The following THSD7A variants were observed in gnomAD, a reference collection of about 807,000 sequenced individuals.
THSD7A encodes the protein thrombospondin type 1 domain containing 7A, also known as thrombospondin type-1 domain-containing protein 7A.
In THSD7A, 96 loss-of-function variants were observed where a neutral mutation model predicts 231.3. That is an observed-to-expected ratio of 0.41 (90% confidence interval 0.35 to 0.49). The LOEUF is 0.49. Among genes scored for constraint, THSD7A ranks in the 20% least tolerant of loss-of-function variants. The probability of loss-of-function intolerance (pLI) is 0.05; values close to 1 mark genes in which losing one functional copy is unlikely to be tolerated. For missense variants in THSD7A, 2,290 were observed against 2,070.2 expected (o/e 1.11, Z -2.06); for synonymous variants, 940 against 743.3 (o/e 1.26, Z -4.30).
intron 6 of THSD7A, among the ~76,000 whole-genome samples, chr7:11,517,044 T>C (rs558743961): frequency 2.0e-5 from 3 of 152,298 alleles, no homozygotes; most frequent in Non-Finnish European, 4.4e-5. Context: ...GGTCCAATTG[T>C]TTAAGCAAGA....
chr7:11,818,540 G>C (rs1784778189), intron 1 of THSD7A, among the ~76,000 whole-genome samples: 1 of 152,134 alleles, frequency 6.6e-6, no homozygotes, highest in Admixed American at 6.5e-5. Flanking sequence ...CAACTTACTA[G>C]GGCTTCAGCA....
At chr7:11,610,075 T>C (rs1199677216) in intron 2 of THSD7A, among the ~76,000 whole-genome samples, 1 of 152,128 alleles carries the variant, frequency 6.6e-6, no homozygotes, top group Non-Finnish European at 1.5e-5. Flanking sequence ...GATATGAAGA[T>C]GATAGCAAGA....
chr7:11,782,346 C>T (rs552397445), intron 1 of THSD7A, among the ~76,000 whole-genome samples: 124 of 152,110 alleles, frequency 8.2e-4, no homozygotes, highest in East Asian at 2.3e-3. Flanking sequence ...TAATATTTTT[C>T]GAGATGGGCC....
chr7:11,607,579 T>C (rs1477558504), intron 2 of THSD7A, among the ~76,000 whole-genome samples: 1 of 152,096 alleles, frequency 6.6e-6, no homozygotes, highest in Non-Finnish European at 1.5e-5. Flanking sequence ...TATGTTCAAG[T>C]CACACTTCTT....
intron 1 of THSD7A, among the ~76,000 whole-genome samples, chr7:11,726,953 C>T (rs1781567859): frequency 1.3e-5 from 2 of 151,926 alleles, no homozygotes; most frequent in African/African-American, 4.8e-5. Flanking sequence ...GCACACAGCT[C>T]TAGGCAAGGC....
intron 4 of THSD7A, among the ~76,000 whole-genome samples, chr7:11,544,171 G>A (rs56): frequency 0.63 from 95,830 of 151,744 alleles, 30,901 homozygotes; most frequent in Admixed American, 0.78. Flanking sequence ...GTGAAACCCC[G>A]TCTCTACTAA....
At chr7:11,588,165 C>T (rs909639331) in intron 4 of THSD7A, among the ~76,000 whole-genome samples, 24 of 151,998 alleles carry the variant, frequency 1.6e-4, no homozygotes, top group Admixed American at 1.2e-3. Context: ...GACTGAACAT[C>T]GAGTGTGAAT....
intron 11 of THSD7A, among the ~76,000 whole-genome samples, chr7:11,454,276 T>C (rs2128296435): frequency 6.6e-6 from 1 of 151,968 alleles, no homozygotes; most frequent in Non-Finnish European, 1.5e-5. Context: ...AATTTCTCTT[T>C]TTCCTCTCTC....
At chr7:11,398,870 T>C (rs1208596677) in intron 23 of THSD7A, among the ~76,000 whole-genome samples, 2 of 152,216 alleles carry the variant, frequency 1.3e-5, no homozygotes, top group Non-Finnish European at 2.9e-5. Context: ...ATTGACATTG[T>C]GGACTTAAAG....
chr7:11,718,428 A>AAAATAT (rs1358568536), intron 1 of THSD7A, among the ~76,000 whole-genome samples: 1 of 151,612 alleles, frequency 6.6e-6, no homozygotes, highest in Non-Finnish European at 1.5e-5. Context: ...AGGCCACATT[A>AAAATAT]TTGCCCTATT....
chr7:11,522,569 G>T (rs1236557925), intron 6 of THSD7A, among the ~76,000 whole-genome samples: 6 of 152,034 alleles, frequency 3.9e-5, no homozygotes, highest in Non-Finnish European at 8.8e-5. Context: ...AAAATCTGTG[G>T]TTGACAGCTA....
chr7:11,746,381 T>C (rs1782304599), intron 1 of THSD7A, among the ~76,000 whole-genome samples: 1 of 151,908 alleles, frequency 6.6e-6, no homozygotes, highest in Non-Finnish European at 1.5e-5. Context: ...CACCAGTTTT[T>C]CCACTGATGT....
chr7:11,593,033 A>G (rs933368689), intron 3 of THSD7A, among the ~76,000 whole-genome samples: 8 of 152,238 alleles, frequency 5.3e-5, no homozygotes, highest in Non-Finnish European at 4.4e-5. Flanking sequence ...AACTCCTATT[A>G]TAGAAAATAC....
At chr7:11,497,436 C>T (rs1406704373) in intron 6 of THSD7A, among the ~76,000 whole-genome samples, 1 of 152,084 alleles carries the variant, frequency 6.6e-6, no homozygotes, top group Non-Finnish European at 1.5e-5. Context: ...TAAAAATGTA[C>T]CTCATTGCAT....
At chr7:11,651,462 C>A (rs981745974) in intron 1 of THSD7A, among the ~76,000 whole-genome samples, 1 of 148,618 alleles carries the variant, frequency 6.7e-6, no homozygotes, top group Non-Finnish European at 1.5e-5. Context: ...CCACTGTATC[C>A]ATCTATTATC....
intron 2 of THSD7A, among the ~76,000 whole-genome samples, chr7:11,595,978 A>G (rs553426382): frequency 1.9e-4 from 29 of 152,248 alleles, no homozygotes; most frequent in Non-Finnish European, 4.0e-4. Flanking sequence ...TAGGAAGCCT[A>G]CCGTATTCCT....
intron 1 of THSD7A, among the ~76,000 whole-genome samples, chr7:11,811,059 A>C (rs1784516010): frequency 6.6e-6 from 1 of 152,184 alleles, no homozygotes; most frequent in African/African-American, 2.4e-5. Context: ...CAACACAATA[A>C]GCTGCAGATT....
rs187835643 is a variant in THSD7A, at chr7:11,819,494, G to T, written c.190+12263C>A. ...ATATTGTTCAGCGCTCAAAAGAAAT[G>T]AGCTGTCAAGCCACGAAAAGGCATG... On this transcript the variant is annotated intron_variant, in intron 1 of 27. Coordinates refer to ENST00000423059, the MANE Select transcript of THSD7A (RefSeq NM_015204.3). Among the ~76,000 whole-genome samples, 81 of 152,264 alleles carry T rather than the reference G, an allele frequency of 5.3e-4. 2 individuals are homozygous for T. The highest frequency in any genetic ancestry group is 4.7e-3 in the Admixed American group (72 of 15,294).
chr7:11,553,905 C>T (rs1319552934), intron 4 of THSD7A, among the ~76,000 whole-genome samples: 1 of 151,762 alleles, frequency 6.6e-6, no homozygotes, highest in African/African-American at 2.4e-5. Context: ...ATGAAGTATT[C>T]TGAAGATACA....
Sources: allele counts gnomAD v4.1 joint callset (sites outside exome capture counted in the v4.1 genomes callset), GRCh38; gene constraint gnomAD v4.1.1; transcripts MANE v1.5; gene names NCBI Gene and HGNC (gene_info 2026-07-23, HGNC 2026-07-21).